Variants in TTK observed in about 807,000 individuals in gnomAD.
TTK encodes dual specificity protein kinase TTK.
In TTK, 59 loss-of-function variants were observed where a neutral mutation model predicts 117.3. That is an observed-to-expected ratio of 0.50 (90% CI 0.41 to 0.62). TTK has a LOEUF of 0.62. TTK is among the 20% of genes least tolerant of loss of function. The pLI is 0.00. For missense variants in TTK, 921 were observed against 989.4 expected, an observed-to-expected ratio of 0.93 and a Z score of 0.93; for synonymous variants, 302 against 325.0, an observed-to-expected ratio of 0.93 and a Z score of 0.76.
intron 2 of TTK, 101 bp downstream of exon 2, chr6:80,006,083 T>C (rs1766986849): frequency 6.8e-7 from 1 of 1,460,200 alleles, no homozygotes; most frequent in Non-Finnish European, 9.3e-7. Context: ...CTCATGTGTT[T>C]ATTGTCTTTC....
chr6:80,021,037 T>C (rs1250671342), intron 10 of TTK, among the ~76,000 whole-genome samples: 1 of 152,228 alleles, frequency 6.6e-6, no homozygotes, highest in African/African-American at 2.4e-5. Flanking sequence ...GCACCACAGA[T>C]GACCTATACT....
intron 18 of TTK, 146 bp from the exon 19 acceptor site, chr6:80,039,550 A>G (rs1318338151): frequency 1.0e-5 from 5 of 496,936 alleles, no homozygotes; most frequent in Admixed American, 4.6e-5. Flanking sequence ...AAAACTAGAA[A>G]AAGATGTTTT....
At chr6:80,022,677 C>T (rs1026464664) in intron 11 of TTK, among the ~76,000 whole-genome samples, 2 of 152,136 alleles carry the variant, frequency 1.3e-5, no homozygotes, top group Non-Finnish European at 2.9e-5. Flanking sequence ...TTTCTATCTT[C>T]GATAGTGTTT....
At chr6:80,025,628 TG>T (rs1294194490) in intron 11 of TTK, among the ~76,000 whole-genome samples, 2 of 152,210 alleles carry the variant, frequency 1.3e-5, no homozygotes, top group African/African-American at 2.4e-5. Flanking sequence ...CCAGGCTAGA[TG>T]GGCTCTGTTG....
At chr6:80,023,135 A>ATTATTATT (rs1309279572) in intron 11 of TTK, among the ~76,000 whole-genome samples, 1 of 152,218 alleles carries the variant, frequency 6.6e-6, no homozygotes, top group Non-Finnish European at 1.5e-5. Context: ...TGTAGTAAAT[A>ATTATTATT]TAGTAAAGGC....
chr6:80,006,500 A>G (rs1314346230), intron 2 of TTK, among the ~76,000 whole-genome samples: 1 of 152,178 alleles, frequency 6.6e-6, no homozygotes, highest in Non-Finnish European at 1.5e-5. Flanking sequence ...TATGTCACTA[A>G]CAAAGGTTGT....
At chr6:80,009,709 A>G (rs1350774893) in intron 4 of TTK, among the ~76,000 whole-genome samples, 1 of 152,086 alleles carries the variant, frequency 6.6e-6, no homozygotes, top group Non-Finnish European at 1.5e-5. Context: ...GGTCAAATGC[A>G]TTGCACAGTA....
At chr6:80,019,020 G>A (rs934758770) in intron 10 of TTK, among the ~76,000 whole-genome samples, 1 of 151,980 alleles carries the variant, frequency 6.6e-6, no homozygotes, top group Non-Finnish European at 1.5e-5. Context: ...ATCAAACTTT[G>A]CATTTAGGAA....
At chr6:80,007,765 G>T in intron 2 of TTK, 44 bp from the exon 3 acceptor site, 1 of 1,523,034 alleles carries the variant, frequency 6.6e-7, no homozygotes, top group Non-Finnish European at 8.9e-7. Context: ...TTTGGCATTT[G>T]TTTTATGTCT....
rs149877620 is a variant in TTK at position 80,007,614 on chromosome 6, C to T, written c.140-195C>T. Among the ~76,000 whole-genome samples, 435 of 151,942 alleles carry T rather than the reference C, an allele frequency of 2.9e-3. 15 individuals carry two copies. In the East Asian group the frequency reaches 0.078, roughly 27 times the overall value. On this transcript the variant is annotated intron_variant, in intron 2 of 21. Coordinates refer to ENST00000369798, the MANE Select transcript of TTK (RefSeq NM_003318.5). ...TATATAGCTTTTGGATAAAGTATAC[C>T]TTCATAAAAGATAAATACACGATAA...
intron 10 of TTK, among the ~76,000 whole-genome samples, chr6:80,019,410 A>T (rs888397156): frequency 6.6e-6 from 1 of 152,204 alleles, no homozygotes; most frequent in Admixed American, 6.5e-5. Context: ...CTTTCCCATA[A>T]GATAATTTTT....
chr6:80,024,558 A>G (rs556096845), intron 11 of TTK, among the ~76,000 whole-genome samples: 315 of 152,298 alleles, frequency 2.1e-3, no homozygotes, highest in Non-Finnish European at 3.7e-3. Flanking sequence ...GCAAATCCAT[A>G]GAGGTGGAAA....
At chr6:80,015,684 A>C (rs1767289318) in intron 10 of TTK, among the ~76,000 whole-genome samples, 1 of 152,184 alleles carries the variant, frequency 6.6e-6, no homozygotes, top group South Asian at 2.1e-4. Flanking sequence ...GATTGAGAAA[A>C]TCATCTTTAT....
Position 80,005,832 on chromosome 6 carries a change from T to G in TTK, c.-2-10T>G. On this transcript the variant is annotated splice_polypyrimidine_tract_variant and intron_variant, in intron 1 of 21. Coordinates refer to ENST00000369798, the MANE Select transcript of TTK (RefSeq NM_003318.5). ...AAGTAGGAGTTATGACTGTTCAGTT[T>G]TTTTCTTAGAAATGGAATCCGAGGA... 6.2e-7 allele frequency: 1 copy of G among 1,611,314 alleles called. No individual in the cohort carries two copies.
chr6:80,020,379 G>A (rs1194342729), intron 10 of TTK, among the ~76,000 whole-genome samples: 1 of 151,888 alleles, frequency 6.6e-6, no homozygotes, highest in Non-Finnish European at 1.5e-5. Context: ...ATCATAACTG[G>A]CTGACCTGTA....
At chr6:80,031,904 A>G (rs772900099) in intron 14 of TTK, among the ~76,000 whole-genome samples, 3 of 152,216 alleles carry the variant, frequency 2.0e-5, no homozygotes, top group Non-Finnish European at 4.4e-5. Context: ...TAAATTGCTA[A>G]TATGTTTAGA....
intron 10 of TTK, among the ~76,000 whole-genome samples, chr6:80,015,292 G>A (rs919402205): frequency 6.6e-6 from 1 of 152,138 alleles, no homozygotes; most frequent in Non-Finnish European, 1.5e-5. Flanking sequence ...TGTAACATGG[G>A]TAGTGTGCAA....
chr6:80,030,786 A>AT (rs1432550291), intron 13 of TTK, among the ~76,000 whole-genome samples: 1 of 152,214 alleles, frequency 6.6e-6, no homozygotes, highest in Non-Finnish European at 1.5e-5. Flanking sequence ...TCCAAACCAT[A>AT]TCAGGGACAT....
At chr6:80,014,683 A>G (rs942127224) in intron 10 of TTK, 97 bp downstream of exon 10, 1 of 1,244,184 alleles carries the variant, frequency 8.0e-7, no homozygotes, top group African/African-American at 1.5e-5. Flanking sequence ...TATGATGTGA[A>G]ACTGTGTCTA....
Sources: allele counts gnomAD v4.1 joint callset (sites outside exome capture counted in the v4.1 genomes callset), GRCh38; gene constraint gnomAD v4.1.1; transcripts MANE v1.5; gene names NCBI Gene and HGNC (gene_info 2026-07-23, HGNC 2026-07-21).